Variants in RBPJ observed in about 807,000 individuals in gnomAD.
RBPJ encodes recombination signal binding protein for immunoglobulin kappa J region.
In RBPJ, 9 loss-of-function variants were observed where a neutral mutation model predicts 67.8. That is an observed-to-expected ratio of 0.13 (90% confidence interval 0.08 to 0.23). The LOEUF (loss-of-function observed/expected upper bound fraction) is 0.23. RBPJ is among the 10% of genes least tolerant of loss of function. The pLI, the probability that RBPJ is intolerant of heterozygous loss-of-function variation, is 1.00. For missense variants in RBPJ, 305 were observed against 595.6 expected, an observed-to-expected ratio of 0.51 and a Z score of 5.08; for synonymous variants, 198 against 203.3, an observed-to-expected ratio of 0.97 and a Z score of 0.22.
intron 1 of RBPJ, among the ~76,000 whole-genome samples, chr4:26,222,082 T>C (rs1223522996): frequency 6.6e-6 from 1 of 152,212 alleles, no homozygotes; most frequent in Non-Finnish European, 1.5e-5. Context: ...GCAACCTTGT[T>C]TTGATGACAC....
chr4:26,373,626 A>G (rs1489740355), intron 1 of RBPJ, among the ~76,000 whole-genome samples: 2 of 152,164 alleles, frequency 1.3e-5, no homozygotes, highest in Admixed American at 6.5e-5. Flanking sequence ...ATGGAACTCT[A>G]TGTAGATTCA....
the RBPJ span, among the ~76,000 whole-genome samples, chr4:26,146,673 T>C: frequency 6.6e-6 from 1 of 152,186 alleles, no homozygotes; most frequent in African/African-American, 2.4e-5. Context: ...TTGAGGAGTA[T>C]GAGGGGCCCA....
rs897964346 is a variant in RBPJ at position 26,431,184 on chromosome 4, TA to T, written c.*204del. ...CTGATTTGAAATGCAGAAGCCACAGTAAAAAAAAAAAAAAAAAAAAAAAAAA... is the reference window on the plus strand; with the variant it reads ...CTGATTTGAAATGCAGAAGCCACAGTAAAAAAAAAAAAAAAAAAAAAAAAA... On this transcript the variant is annotated 3_prime_UTR_variant, in exon 11 of 11. Transcript: ENST00000355476. The T allele has an allele frequency of 0.028, 1,132 of 40,746 alleles. No individual in the cohort carries two copies. The highest frequency in any genetic ancestry group is 0.063 in the African/African-American group (560 of 8,898). 2.5% of individuals were successfully genotyped at this position (40,746 alleles called of 1,614,324 possible).
intron 1 of RBPJ, among the ~76,000 whole-genome samples, chr4:26,296,991 C>G (rs543339406): frequency 6.6e-6 from 1 of 152,098 alleles, no homozygotes; most frequent in East Asian, 1.9e-4. Context: ...CCAGAAAGGT[C>G]GTGTCATGTA....
upstream of RBPJ, among the ~76,000 whole-genome samples, chr4:26,319,048 T>G (rs1722773603): frequency 6.9e-6 from 1 of 144,174 alleles, no homozygotes; most frequent in Non-Finnish European, 1.5e-5. Flanking sequence ...GTAGAGTAGC[T>G]AAGGAATCAG....
chr4:26,344,349 G>C (rs187041652), intron 1 of RBPJ, among the ~76,000 whole-genome samples: 115 of 151,920 alleles, frequency 7.6e-4, no homozygotes, highest in African/African-American at 2.6e-3. Context: ...ATTCTCCTGC[G>C]TCAGCCTCCG....
intron 1 of RBPJ, among the ~76,000 whole-genome samples, chr4:26,344,854 A>G (rs1725966824): frequency 6.6e-6 from 1 of 152,186 alleles, no homozygotes; most frequent in Non-Finnish European, 1.5e-5. Context: ...TCTCATCATA[A>G]TAGATTCACA....
the RBPJ span, among the ~76,000 whole-genome samples, chr4:26,131,591 G>A: frequency 6.6e-6 from 1 of 152,202 alleles, no homozygotes; most frequent in African/African-American, 2.4e-5. Flanking sequence ...AGCAAAAAGT[G>A]TCTTTGCAGA....
chr4:26,117,693 T>C, the RBPJ span, among the ~76,000 whole-genome samples: 1 of 152,148 alleles, frequency 6.6e-6, no homozygotes, highest in Non-Finnish European at 1.5e-5. Flanking sequence ...TGAATTAACT[T>C]CCTTGTACGT....
chr4:26,389,433 G>A (rs372111637), intron 2 of RBPJ, among the ~76,000 whole-genome samples: 2 of 150,506 alleles, frequency 1.3e-5, no homozygotes, highest in East Asian at 2.0e-4. Flanking sequence ...TGCTCAAGGG[G>A]GACCTATACT....
At chr4:26,126,001 T>C in the RBPJ span, among the ~76,000 whole-genome samples, 2 of 152,110 alleles carry the variant, frequency 1.3e-5, no homozygotes. Context: ...TGTATGGATA[T>C]AGATGTATCA....
chr4:26,243,858 G>A (rs1719730148), intron 1 of RBPJ, among the ~76,000 whole-genome samples: 1 of 152,116 alleles, frequency 6.6e-6, no homozygotes, highest in Admixed American at 6.5e-5. Flanking sequence ...ACTTTGGGAG[G>A]CCAGTGTGGG....
the RBPJ span, among the ~76,000 whole-genome samples, chr4:26,122,427 C>T: frequency 1.3e-5 from 2 of 152,156 alleles, no homozygotes; most frequent in Non-Finnish European, 2.9e-5. Context: ...TCTGGCAGGC[C>T]AGAGAGCGAC....
At chr4:26,416,625 A>T (rs1303418501) in intron 4 of RBPJ, among the ~76,000 whole-genome samples, 1 of 152,218 alleles carries the variant, frequency 6.6e-6, no homozygotes, top group Admixed American at 6.5e-5. Context: ...GAAAATGGTT[A>T]GTTCTGATCT....
At chr4:26,293,556 A>G (rs574899014) in intron 1 of RBPJ, among the ~76,000 whole-genome samples, 13 of 150,266 alleles carry the variant, frequency 8.7e-5, no homozygotes, top group African/African-American at 3.2e-4. Flanking sequence ...AGTTTGCTTG[A>G]ACCCAGGAGT....
chr4:26,272,151 C>T (rs757862693), intron 1 of RBPJ, among the ~76,000 whole-genome samples: 7 of 152,152 alleles, frequency 4.6e-5, no homozygotes, highest in Non-Finnish European at 8.8e-5. Context: ...AAATTTCACA[C>T]CTTTGACAGA....
chr4:26,312,793 T>G (rs1232870468), intron 1 of RBPJ, among the ~76,000 whole-genome samples: 5 of 152,350 alleles, frequency 3.3e-5, no homozygotes, highest in African/African-American at 4.8e-5. Flanking sequence ...TGCTGTCTAT[T>G]TTTGTAAAAT....
chr4:26,297,825 G>C (rs1397798390), intron 1 of RBPJ, among the ~76,000 whole-genome samples: 2 of 150,130 alleles, frequency 1.3e-5, no homozygotes, highest in African/African-American at 4.9e-5. Context: ...AAGAATATGA[G>C]AAAAAAACAA....
intron 1 of RBPJ, among the ~76,000 whole-genome samples, chr4:26,252,347 G>C (rs1379332722): frequency 6.6e-6 from 1 of 152,118 alleles, no homozygotes; most frequent in African/African-American, 2.4e-5. Context: ...TGTAGTCCCA[G>C]CACTTTGGGA....
Sources: allele counts gnomAD v4.1 joint callset (sites outside exome capture counted in the v4.1 genomes callset), GRCh38; gene constraint gnomAD v4.1.1; transcripts MANE v1.5; gene names NCBI Gene and HGNC (gene_info 2026-07-23, HGNC 2026-07-21).